Variants in EVL observed in about 807,000 individuals in gnomAD.
EVL encodes the protein Enah/Vasp-like.
EVL carries 21 observed loss-of-function variants against 59.6 expected under a neutral mutation model. The ratio of observed to expected loss-of-function variants is 0.35; its 90% CI spans 0.25 to 0.51. EVL has a LOEUF of 0.51. EVL is among the 20% of genes least tolerant of loss of function. The pLI is 0.97. For synonymous variants in EVL, 198 were observed against 203.5 expected (o/e 0.97, Z 0.23); for missense variants, 462 against 546.6 (o/e 0.85, Z 1.54).
chr14:100,134,201 G>C (rs540013567), intron 8 of EVL, among the ~76,000 whole-genome samples: 47 of 152,322 alleles, frequency 3.1e-4, no homozygotes, highest in Non-Finnish European at 5.3e-4. Flanking sequence ...GAAATTGCAG[G>C]CCACGGGATA....
rs148589612 is a variant in EVL, at chr14:100,002,078, A to T, written c.5+30021A>T. On this transcript the variant is annotated intron_variant, in intron 1 of 13. Coordinates refer to the EVL transcript ENST00000402714. Reference sequence around the variant, plus strand: ...ATAGCTCAAAAGAAAAGTTTCCTTGACTCTAAAAAACAAAGGATCAGCAAC... The same window carrying T: ...ATAGCTCAAAAGAAAAGTTTCCTTGTCTCTAAAAAACAAAGGATCAGCAAC... 2.5e-3 allele frequency among the ~76,000 whole-genome samples: 378 copies of T among 152,294 alleles called. 4 individuals are homozygous for T. Among genetic ancestry groups the T allele is most frequent in the African/African-American group, 8.0e-3 (334 of 41,552 alleles).
chr14:100,110,596 G>A (rs919571526), intron 3 of EVL, among the ~76,000 whole-genome samples: 1 of 152,120 alleles, frequency 6.6e-6, no homozygotes, highest in African/African-American at 2.4e-5. Context: ...TGGTTTGGAA[G>A]TTCAAATCAA....
Position 99,997,929 on chromosome 14 carries a change from G to A in EVL, c.5+25872G>A, listed in dbSNP as rs138183151. 1.4e-3 allele frequency among the ~76,000 whole-genome samples: 211 copies of A among 152,226 alleles called. 3 individuals are homozygous for A. Among genetic ancestry groups the A allele is most frequent in the Admixed American group, 0.013 (202 of 15,294 alleles). ...GACTGATGAAGTCATTTAACCTCTT[G>A]GATTCATAGTCTCCCATCTGTACTG... is the stretch of plus-strand genomic sequence containing the variant. On this transcript the variant is annotated intron_variant, in intron 1 of 13. Coordinates refer to the EVL transcript ENST00000402714.
chr14:100,112,995 A>G (rs912978893), intron 3 of EVL, among the ~76,000 whole-genome samples: 2 of 152,208 alleles, frequency 1.3e-5, no homozygotes, highest in African/African-American at 4.8e-5. Flanking sequence ...AGCCTTGTCA[A>G]TACAGTGTAT....
intron 1 of EVL, among the ~76,000 whole-genome samples, chr14:100,053,549 T>C (rs2140250765): frequency 6.6e-6 from 1 of 152,298 alleles, no homozygotes; most frequent in Middle Eastern, 3.4e-3. Context: ...TTGAGCAAAG[T>C]TATGGATATT....
intron 1 of EVL, among the ~76,000 whole-genome samples, chr14:99,981,639 C>T (rs1243657860): frequency 6.6e-6 from 1 of 152,176 alleles, no homozygotes; most frequent in Non-Finnish European, 1.5e-5. Context: ...AAGCAAGTCA[C>T]ATGAATTTTT....
chr14:99,996,480 A>G (rs1401506416), intron 1 of EVL, among the ~76,000 whole-genome samples: 4 of 152,194 alleles, frequency 2.6e-5, no homozygotes, highest in African/African-American at 9.7e-5. Flanking sequence ...CAAAAGTGCA[A>G]CTTGGTAAGG....
intron 1 of EVL, among the ~76,000 whole-genome samples, chr14:100,028,134 G>GTTTTTTTTTTTTTTTTTTTTTTTT (rs137903594): frequency 8.4e-6 from 1 of 118,738 alleles, no homozygotes; most frequent in Non-Finnish European, 1.7e-5. Flanking sequence ...TTGTTTGTTT[G>GTTTTTTTTTTTTTTTTTTTTTTTT]TTTTTTTTTT....
At chr14:99,991,153 CATTT>C (rs1379614194) in intron 1 of EVL, among the ~76,000 whole-genome samples, 1 of 152,144 alleles carries the variant, frequency 6.6e-6, no homozygotes, top group Non-Finnish European at 1.5e-5. Context: ...AGGATGAAGA[CATTT>C]ATGATTATCC....
In EVL at chr14:100,132,798, C is replaced by T. The variant is rs1888519594; in HGVS notation, c.900+19C>T. On this transcript the variant is annotated intron_variant, in intron 8 of 13. Coordinates refer to ENST00000392920, the MANE Select transcript of EVL (RefSeq NM_016337.3). Reference sequence around the variant, plus strand: ...CCAAATGGTGAGCAAGCAGCCCGCCCCACCCTCAGGCTCCCCACTGAGATG... The same window carrying T: ...CCAAATGGTGAGCAAGCAGCCCGCCTCACCCTCAGGCTCCCCACTGAGATG... The T allele has an allele frequency of 3.1e-6, 5 of 1,613,532 alleles. No homozygotes were observed. Among genetic ancestry groups the T allele is most frequent in the Non-Finnish European group, 4.2e-6 (5 of 1,179,924 alleles).
intron 4 of EVL, among the ~76,000 whole-genome samples, chr14:100,125,834 G>A (rs969734320): frequency 2.6e-5 from 4 of 152,096 alleles, no homozygotes; most frequent in Non-Finnish European, 1.5e-5. Flanking sequence ...GATTACAGGC[G>A]TGAGCCACCA....
At position 100,030,977 on chromosome 14, in the gene EVL, G is replaced by A. The variant is rs556548265; in HGVS notation, c.6-53710G>A. Among the ~76,000 whole-genome samples the A allele has an allele frequency of 4.6e-5, 7 of 152,320 alleles. No individual in the cohort carries two copies. The South Asian group carries it at 6.2e-4, about 14-fold the overall frequency. Reference sequence around the variant, plus strand: ...TAGGACTACACGGGACAACTATGACGTATGAGGTCTCTTCCGTGTAGGGAA... The same window carrying A: ...TAGGACTACACGGGACAACTATGACATATGAGGTCTCTTCCGTGTAGGGAA... On this transcript the variant is annotated intron_variant, in intron 1 of 13. Coordinates refer to the EVL transcript ENST00000402714.
intron 3 of EVL, chr14:100,102,200 T>G: frequency 2.2e-6 from 1 of 453,316 alleles, no homozygotes. Flanking sequence ...CAATTTCATC[T>G]TTTCTGTTAT....
intron 1 of EVL, among the ~76,000 whole-genome samples, chr14:99,997,324 A>G (rs953567817): frequency 4.6e-5 from 7 of 152,282 alleles, no homozygotes; most frequent in African/African-American, 7.2e-5. Context: ...AATGATCACA[A>G]TTCAGTTTCT....
chr14:100,003,248 C>T (rs1430881819), intron 1 of EVL, among the ~76,000 whole-genome samples: 1 of 152,134 alleles, frequency 6.6e-6, no homozygotes, highest in Non-Finnish European at 1.5e-5. Context: ...CATCTCCTTC[C>T]AGGCCTGAAG....
intron 1 of EVL, among the ~76,000 whole-genome samples, chr14:100,083,543 C>T (rs530373370): frequency 6.6e-6 from 1 of 152,172 alleles, no homozygotes; most frequent in South Asian, 2.1e-4. Flanking sequence ...TATGAAGAGC[C>T]AGTGGGCTCC....
At position 100,132,709 on chromosome 14, in the gene EVL, CTG is replaced by C. The variant is rs767734034; in HGVS notation, c.840-7_840-6del. 1 of 1,614,172 alleles carries C rather than the reference CTG, an allele frequency of 6.2e-7. No homozygotes were observed. Among genetic ancestry groups the C allele is most frequent in the Non-Finnish European group, 8.5e-7 (1 of 1,180,016 alleles). On this transcript the variant is annotated splice_polypyrimidine_tract_variant and splice_region_variant and intron_variant, in intron 7 of 13. Transcript: ENST00000392920. ...GAGCTGATCTGTATCTTCCCCTTCT[CTG>C]TGCCTAGGAGAAAAGCAGCCTCCCA...
At chr14:100,094,249 G>A (rs572299901) in intron 2 of EVL, among the ~76,000 whole-genome samples, 2 of 152,198 alleles carry the variant, frequency 1.3e-5, no homozygotes, top group Non-Finnish European at 2.9e-5. Flanking sequence ...AGCGGATTGA[G>A]TTAGATAATC....
At chr14:99,988,986 A>G (rs2060858699) in intron 1 of EVL, among the ~76,000 whole-genome samples, 1 of 152,244 alleles carries the variant, frequency 6.6e-6, no homozygotes. Flanking sequence ...AGATAATCCC[A>G]GTATCGCAAG....
Sources: allele counts gnomAD v4.1 joint callset (sites outside exome capture counted in the v4.1 genomes callset), GRCh38; gene constraint gnomAD v4.1.1; transcripts MANE v1.5; gene names NCBI Gene and HGNC (gene_info 2026-07-23, HGNC 2026-07-21).